EXOC6B: variants seen among roughly 807,000 people sequenced by gnomAD.
EXOC6B encodes the protein SEC15 homolog B.
Under a neutral mutation model 113.5 loss-of-function variants are expected in EXOC6B, and 54 were observed. That is an observed-to-expected ratio of 0.48 (90% CI 0.38 to 0.60). The LOEUF is 0.60. EXOC6B is among the 20% of genes least tolerant of loss of function. The pLI, the probability that EXOC6B is intolerant of heterozygous loss-of-function variation, is 0.00. For synonymous variants in EXOC6B, 357 were observed against 339.0 expected (o/e 1.05, Z -0.58); for missense variants, 797 against 977.5 (o/e 0.82, Z 2.46).
intron 1 of EXOC6B, among the ~76,000 whole-genome samples, chr2:72,799,146 A>G (rs1329860379): frequency 6.9e-6 from 1 of 145,416 alleles, no homozygotes; most frequent in African/African-American, 2.6e-5. Flanking sequence ...AGGCTGAGGC[A>G]GGAGAATCGC....
At chr2:72,553,875 T>G (rs111834140) in intron 8 of EXOC6B, among the ~76,000 whole-genome samples, 1,791 of 152,272 alleles carry the variant, frequency 0.012, 31 homozygotes, top group African/African-American at 0.04. Context: ...GACATCAATT[T>G]GAAAAGAGCC....
chr2:72,412,858 C>T (rs1694265664), intron 18 of EXOC6B, among the ~76,000 whole-genome samples: 1 of 152,144 alleles, frequency 6.6e-6, no homozygotes, highest in Non-Finnish European at 1.5e-5. Flanking sequence ...CCTGTTCTAA[C>T]CAGCATAAAG....
chr2:72,696,304 T>C (rs1345259590), intron 6 of EXOC6B, among the ~76,000 whole-genome samples: 1 of 152,196 alleles, frequency 6.6e-6, no homozygotes, highest in Non-Finnish European at 1.5e-5. Flanking sequence ...AAAATATTCC[T>C]AAAATATTCC....
At position 72,267,029 on chromosome 2, in the gene EXOC6B, G is replaced by A. The variant is rs540134506; in HGVS notation, c.2196+67918C>T. 3.9e-5 allele frequency among the ~76,000 whole-genome samples: 6 copies of A among 152,220 alleles called. No individual in the cohort carries two copies. The East Asian group carries it at 1.2e-3, about 29-fold the overall frequency. ...TTCTCCTTGAAGCAATTGTGATTGGGAGTTCACTCATGATTTGGCTCTCTG... is the reference window on the plus strand; with the variant it reads ...TTCTCCTTGAAGCAATTGTGATTGGAAGTTCACTCATGATTTGGCTCTCTG... On this transcript the variant is annotated intron_variant, in intron 20 of 21. Transcript: ENST00000272427.
At chr2:72,180,884 C>T (rs1678038654) in intron 21 of EXOC6B, among the ~76,000 whole-genome samples, 1 of 152,164 alleles carries the variant, frequency 6.6e-6, no homozygotes, top group Non-Finnish European at 1.5e-5. Context: ...AGCTGTATGG[C>T]TCTGGCTAAC....
At chr2:72,469,486 T>C (rs115855858) in intron 17 of EXOC6B, among the ~76,000 whole-genome samples, 2,612 of 152,226 alleles carry the variant, frequency 0.017, 70 homozygotes, top group African/African-American at 0.058. Context: ...CAAATTATAA[T>C]AAGTTGTATT....
intron 18 of EXOC6B, among the ~76,000 whole-genome samples, chr2:72,413,318 A>G (rs1694305555): frequency 6.6e-6 from 1 of 151,896 alleles, no homozygotes; most frequent in South Asian, 2.1e-4. Context: ...ATTACAACAC[A>G]GGTTTCTAGG....
chr2:72,679,808 T>C (rs1676561535), intron 6 of EXOC6B, among the ~76,000 whole-genome samples: 2 of 152,182 alleles, frequency 1.3e-5, no homozygotes, highest in African/African-American at 4.8e-5. Flanking sequence ...CTGGAAACAA[T>C]GATTCTGGTG....
chr2:72,324,012 T>TA (rs1000973637), intron 20 of EXOC6B, among the ~76,000 whole-genome samples: 1 of 147,992 alleles, frequency 6.8e-6, no homozygotes, highest in Admixed American at 6.7e-5. Flanking sequence ...AAGCAGGATT[T>TA]AAAAAAAAAG....
intron 20 of EXOC6B, among the ~76,000 whole-genome samples, chr2:72,257,997 T>C (rs1683456491): frequency 6.6e-6 from 1 of 152,240 alleles, no homozygotes; most frequent in Non-Finnish European, 1.5e-5. Flanking sequence ...ACTTCCATCC[T>C]GAAATTTTTA....
chr2:72,207,918 A>G (rs1175447616), intron 20 of EXOC6B, among the ~76,000 whole-genome samples: 2 of 152,176 alleles, frequency 1.3e-5, no homozygotes, highest in African/African-American at 4.8e-5. Context: ...TTGCACTTAG[A>G]AAGTGCTTTA....
chr2:72,401,590 T>TATATATATAC (rs1693261946), intron 18 of EXOC6B, among the ~76,000 whole-genome samples: 1 of 42,826 alleles, frequency 2.3e-5, no homozygotes, highest in Non-Finnish European at 3.5e-5. Flanking sequence ...TACATATATA[T>TATATATATAC]ATATATATAT....
chr2:72,623,844 A>G (rs751179601), intron 6 of EXOC6B, among the ~76,000 whole-genome samples: 13 of 152,138 alleles, frequency 8.5e-5, no homozygotes, highest in Non-Finnish European at 1.9e-4. Context: ...TTCTATTCCT[A>G]TTCTTGCTGT....
chr2:72,403,479 G>A (rs1203395124), intron 18 of EXOC6B, among the ~76,000 whole-genome samples: 2 of 152,044 alleles, frequency 1.3e-5, no homozygotes, highest in Non-Finnish European at 2.9e-5. Context: ...TTGAGGCTAG[G>A]AGTTTGAGAT....
chr2:72,794,219 C>T (rs1044605239), intron 1 of EXOC6B, among the ~76,000 whole-genome samples: 4 of 152,110 alleles, frequency 2.6e-5, no homozygotes, highest in East Asian at 3.9e-4. Flanking sequence ...AGCTCTTTTT[C>T]GAAACCACTG....
chr2:72,236,872 C>A (rs562592554), intron 20 of EXOC6B, among the ~76,000 whole-genome samples: 1 of 152,220 alleles, frequency 6.6e-6, no homozygotes, highest in East Asian at 1.9e-4. Flanking sequence ...GTCTGTACTA[C>A]CTCTGATAAC....
intron 6 of EXOC6B, among the ~76,000 whole-genome samples, chr2:72,697,256 T>C (rs1008657624): frequency 1.3e-5 from 2 of 152,176 alleles, no homozygotes; most frequent in African/African-American, 4.8e-5. Context: ...ATATCATTTA[T>C]AAATACAGAT....
intron 1 of EXOC6B, among the ~76,000 whole-genome samples, chr2:72,749,991 T>C (rs1348495476): frequency 6.6e-6 from 1 of 151,628 alleles, no homozygotes; most frequent in African/African-American, 2.4e-5. Flanking sequence ...GCATGTATTA[T>C]ATATAGTATA....
At chr2:72,335,583 C>T (rs1688650618) in intron 19 of EXOC6B, among the ~76,000 whole-genome samples, 1 of 150,590 alleles carries the variant, frequency 6.6e-6, no homozygotes, top group African/African-American at 2.4e-5. Context: ...CACACACACA[C>T]ACACACACAC....
Sources: gnomAD v4.1 joint callset for allele counts (sites outside exome capture counted in the v4.1 genomes callset) on GRCh38, gnomAD v4.1.1 for gene constraint, MANE v1.5 for transcripts, NCBI Gene and HGNC (gene_info 2026-07-23, HGNC 2026-07-21) for gene names.